Variants in HK1 observed in about 807,000 individuals in gnomAD.
The protein encoded by HK1 is hexokinase 1.
Under a neutral mutation model 91.6 loss-of-function variants are expected in HK1, and 28 were observed. The observed-to-expected ratio is 0.31, with a 90% CI of 0.23 to 0.42. The LOEUF is 0.42. HK1 is among the 10% of genes least tolerant of loss of function. HK1 has a pLI of 1.00. For synonymous variants in HK1, 430 were observed against 468.1 expected, an observed-to-expected ratio of 0.92 and a Z score of 1.05; for missense variants, 770 against 1,219.8, an observed-to-expected ratio of 0.63 and a Z score of 5.49.
intron 2 of HK1, among the ~76,000 whole-genome samples, chr10:69,285,716 C>A (rs1442123251): frequency 6.6e-6 from 1 of 152,094 alleles, no homozygotes; most frequent in Non-Finnish European, 1.5e-5. Context: ...AGAGAGAGGG[C>A]CAGTTACTTC....
chr10:69,327,248 CT>C (rs1847437416), intron 1 of HK1, among the ~76,000 whole-genome samples: 1 of 152,070 alleles, frequency 6.6e-6, no homozygotes, highest in Non-Finnish European at 1.5e-5. Context: ...GCCTAGGCCT[CT>C]TTCCAAAGTT....
At chr10:69,392,062 G>A (rs1394564138) in intron 14 of HK1, 63 bp from the exon 15 acceptor site, 9 of 1,567,376 alleles carry the variant, frequency 5.7e-6, no homozygotes, top group Admixed American at 1.7e-5. Flanking sequence ...CAGACCCCAG[G>A]CCCAGTTGCA....
intron 1 of HK1, among the ~76,000 whole-genome samples, chr10:69,337,728 G>A (rs1010078384): frequency 6.6e-6 from 1 of 152,130 alleles, no homozygotes; most frequent in Admixed American, 6.5e-5. Context: ...CATTTTAAAG[G>A]CCTGCGTCAG....
rs116215297 is a variant in HK1, at chr10:69,370,425, T to C, written c.875+801T>C. Among the ~76,000 whole-genome samples the C allele has an allele frequency of 2.2e-3, 340 of 152,248 alleles. 2 individuals are homozygous for C. Among genetic ancestry groups the C allele is most frequent in the African/African-American group, 7.8e-3 (324 of 41,546 alleles). On this transcript the variant is annotated intron_variant, in intron 7 of 17. Coordinates refer to ENST00000359426, the MANE Select transcript of HK1 (RefSeq NM_000188.3). ...CCCCAACAAAGCACAGGAAAGTTAG[T>C]GTAAATGTAAGGTTTAAAAAATATC... is the stretch of plus-strand genomic sequence containing the variant.
At chr10:69,345,548 C>T (rs542871290) in intron 2 of HK1, among the ~76,000 whole-genome samples, 5 of 151,916 alleles carry the variant, frequency 3.3e-5, no homozygotes, top group African/African-American at 9.7e-5. Flanking sequence ...GAGGAAGGAG[C>T]GGGGAGGGGA....
intron 9 of HK1, among the ~76,000 whole-genome samples, chr10:69,381,100 C>T (rs1283124179): frequency 6.6e-6 from 1 of 151,944 alleles, no homozygotes; most frequent in Non-Finnish European, 1.5e-5. Flanking sequence ...CCCAGGAGTT[C>T]GAGACCAGCC....
chr10:69,371,977 C>T lies in HK1; in HGVS notation c.875+2353C>T, dbSNP rs189471467. The stretch of plus-strand genomic sequence containing the variant: ...TTCACACTGCCTATAAAGACATACC[C>T]GTAACTGGGCAATTTACAAAAGAAA... On this transcript the variant is annotated intron_variant, in intron 7 of 17. Transcript: ENST00000359426. Among the ~76,000 whole-genome samples, 67 of 152,214 alleles carry T rather than the reference C, an allele frequency of 4.4e-4. 1 individual carries two copies. The highest frequency in any genetic ancestry group is 1.6e-3 in the African/African-American group (65 of 41,538).
intron 8 of HK1, among the ~76,000 whole-genome samples, chr10:69,378,103 T>C (rs1432550748): frequency 6.6e-6 from 1 of 152,212 alleles, no homozygotes; most frequent in Non-Finnish European, 1.5e-5. Flanking sequence ...CTCCTGAGTT[T>C]CCAGCTGTCC....
intron 1 of HK1, among the ~76,000 whole-genome samples, chr10:69,277,468 G>A (rs1844527179): frequency 6.6e-6 from 1 of 152,104 alleles, no homozygotes. Context: ...CTCAGAGGCT[G>A]AGGCAGGAGG....
At chr10:69,373,163 C>T (rs1049691824) in intron 7 of HK1, among the ~76,000 whole-genome samples, 2 of 152,176 alleles carry the variant, frequency 1.3e-5, no homozygotes, top group Non-Finnish European at 2.9e-5. Flanking sequence ...GCCCCCGTGC[C>T]CAGCCATTAA....
rs1336352036 is a variant in HK1 at position 69,337,632 on chromosome 10, C to G, written c.64-6195C>G. On this transcript the variant is annotated intron_variant, in intron 1 of 17. Transcript: ENST00000359426. ...TGAATTCTGATGTTGAAATCTCTGT[C>G]CTCCCCTAAGCTAACATCTTTCTTA... 2.0e-5 allele frequency among the ~76,000 whole-genome samples: 3 copies of G among 152,182 alleles called. No homozygotes were observed. The East Asian group carries it at 5.8e-4, about 29-fold the overall frequency.
intron 1 of HK1, among the ~76,000 whole-genome samples, chr10:69,271,257 A>G (rs1446276133): frequency 6.6e-6 from 1 of 152,150 alleles, no homozygotes; most frequent in Non-Finnish European, 1.5e-5. Context: ...TGCATGTACC[A>G]TGTACCCCTT....
chr10:69,387,066 C>G (rs992564664), intron 13 of HK1, among the ~76,000 whole-genome samples: 41 of 152,206 alleles, frequency 2.7e-4, no homozygotes, highest in African/African-American at 9.4e-4. Flanking sequence ...AACAATTTCA[C>G]AGAGTCCACA....
intron 1 of HK1, chr10:69,338,680 AGTGTGTGT>A (rs10578071): frequency 0.22 from 251,105 of 1,167,716 alleles, 15,312 homozygotes; most frequent in South Asian, 0.3. Context: ...TGGAGATGTG[AGTGTGTGT>A]GTGTGTGTGT....
intron 3 of HK1, among the ~76,000 whole-genome samples, chr10:69,294,145 G>A (rs1273052472): frequency 1.3e-5 from 2 of 152,100 alleles, no homozygotes; most frequent in Non-Finnish European, 1.5e-5. Context: ...ACAGGCGTGA[G>A]CCACCGCGCC....
intron 3 of HK1, among the ~76,000 whole-genome samples, chr10:69,361,646 C>T (rs963490330): frequency 5.3e-5 from 8 of 152,198 alleles, no homozygotes; most frequent in Non-Finnish European, 1.0e-4. Context: ...CACCTTCTTA[C>T]CACTGCCCTC....
chr10:69,400,965 A>G (rs769484829), intron 17 of HK1, 26 bp from the exon 18 acceptor site: 2 of 1,613,942 alleles, frequency 1.2e-6, no homozygotes, highest in Non-Finnish European at 1.7e-6. Context: ...TCCTCCAACT[A>G]CCTTCTGTTT....
intron 2 of HK1, among the ~76,000 whole-genome samples, chr10:69,350,299 T>C (rs1352245319): frequency 6.6e-6 from 1 of 151,974 alleles, no homozygotes; most frequent in East Asian, 1.9e-4. Flanking sequence ...AGGTGAAAAA[T>C]GGGAGGGTAG....
intron 1 of HK1, among the ~76,000 whole-genome samples, chr10:69,279,275 G>A (rs886590788): frequency 1.3e-5 from 2 of 152,212 alleles, no homozygotes; most frequent in Non-Finnish European, 2.9e-5. Context: ...TCTTCCTCAT[G>A]TGGTGAAGGG....
Sources: gnomAD v4.1 joint callset for allele counts (sites outside exome capture counted in the v4.1 genomes callset) on GRCh38, gnomAD v4.1.1 for gene constraint, MANE v1.5 for transcripts, NCBI Gene and HGNC (gene_info 2026-07-23, HGNC 2026-07-21) for gene names.